The following RFTN1 variants were observed in gnomAD, a reference collection of about 807,000 sequenced individuals.
RFTN1 encodes the protein raftlin.
In RFTN1, 26 loss-of-function variants were observed where a neutral mutation model predicts 46.5. The ratio of observed to expected loss-of-function variants is 0.56; its 90% confidence interval spans 0.41 to 0.78. The LOEUF is 0.78. RFTN1 is among the 30% of genes least tolerant of loss of function. The probability of loss-of-function intolerance (pLI) is 0.00; values close to 1 mark genes in which losing one functional copy is unlikely to be tolerated. For missense variants in RFTN1, 693 were observed against 718.7 expected, an observed-to-expected ratio of 0.96 and a Z score of 0.41; for synonymous variants, 261 against 284.2, an observed-to-expected ratio of 0.92 and a Z score of 0.82.
At chr3:16,510,448 T>A (rs2076878697) in intron 1 of RFTN1, among the ~76,000 whole-genome samples, 1 of 152,360 alleles carries the variant, frequency 6.6e-6, no homozygotes, top group South Asian at 2.1e-4. Flanking sequence ...TGAAAATCTC[T>A]AAAAATAAAA....
In RFTN1 at chr3:16,337,626, C is replaced by G. The variant is rs958944755; in HGVS notation, c.1147-10750G>C. On this transcript the variant is annotated intron_variant, in intron 7 of 9. Transcript: ENST00000334133. The surrounding 1 kb of genome is among the most constrained non-coding windows in gnomAD (Gnocchi z 5.0). ...GCATGGTGGCAGGCGCCTGTAGTCC[C>G]AGCTACTCGGGAGGCTGAGGCAGGA... Among the ~76,000 whole-genome samples, 1 of 151,682 alleles carries G rather than the reference C, an allele frequency of 6.6e-6. No individual in the cohort carries two copies. Among genetic ancestry groups the G allele is most frequent in the Non-Finnish European group, 1.5e-5 (1 of 67,982 alleles).
In RFTN1 at chr3:16,352,956, C is replaced by T. The variant is rs1231165471; in HGVS notation, c.1146+4976G>A. 2.6e-5 allele frequency among the ~76,000 whole-genome samples: 4 copies of T among 152,064 alleles called. No homozygotes were observed. Among genetic ancestry groups the T allele is most frequent in the Non-Finnish European group, 4.4e-5 (3 of 68,026 alleles). On this transcript the variant is annotated intron_variant, in intron 7 of 9. Transcript: ENST00000334133. This position sits in a 1 kb window ranked among gnomAD's most constrained non-coding sequence, Gnocchi z 4.6. ...GTCCGCACACTACATTTTCGTGTGT[C>T]CATGCACGTGAAGAGAGAGGGAAGC...
At position 16,324,333 on chromosome 3, in the gene RFTN1, C is replaced by T. The variant is rs191954828; in HGVS notation, c.1251-876G>A. Among the ~76,000 whole-genome samples, 256 of 152,238 alleles carry T rather than the reference C, an allele frequency of 1.7e-3. 1 individual carries two copies. Among genetic ancestry groups the T allele is most frequent in the African/African-American group, 5.6e-3 (231 of 41,530 alleles). On this transcript the variant is annotated intron_variant, in intron 8 of 9. Transcript: ENST00000334133. ...TTTAGGAACTGTAAACTATACAAGG[C>T]ATTATTGTTTATAATAGTCACCATT...
At chr3:16,463,007 A>G (rs1188859186) in intron 2 of RFTN1, among the ~76,000 whole-genome samples, 1 of 152,266 alleles carries the variant, frequency 6.6e-6, no homozygotes, top group Non-Finnish European at 1.5e-5. Context: ...GGAAGGAAAC[A>G]CAGGAAGCAT....
intron 4 of RFTN1, among the ~76,000 whole-genome samples, chr3:16,398,754 T>C (rs890057553): frequency 6.6e-6 from 1 of 152,172 alleles, no homozygotes; most frequent in Non-Finnish European, 1.5e-5. Context: ...AGACATCCCC[T>C]GGGTGGCTGG....
Position 16,484,580 on chromosome 3 carries a change from C to A in RFTN1, c.145+9145G>T, listed in dbSNP as rs896399752. On this transcript the variant is annotated intron_variant, in intron 2 of 9. Transcript: ENST00000334133. The surrounding 1 kb of genome is among the most constrained non-coding windows in gnomAD (Gnocchi z 4.6). Reference sequence around the variant, plus strand: ...TGGAATGATCCTCGAAATTGTAATGCGTGTCATGGGAATGTCTTATAAGGA... The same window carrying A: ...TGGAATGATCCTCGAAATTGTAATGAGTGTCATGGGAATGTCTTATAAGGA... 2.6e-5 allele frequency: 4 copies of A among 152,072 alleles called. No homozygotes were observed. Among genetic ancestry groups the A allele is most frequent in the African/African-American group, 9.7e-5 (4 of 41,382 alleles). The allele number at this position is 152,072 out of a possible 1,614,324, so 9.4% of individuals were successfully genotyped here.
At position 16,468,291 on chromosome 3, in the gene RFTN1, A is replaced by T. The variant is rs1225382741; in HGVS notation, c.145+25434T>A. 6.6e-6 allele frequency among the ~76,000 whole-genome samples: 1 copy of T among 151,854 alleles called. No individual in the cohort carries two copies. The highest frequency in any genetic ancestry group is 1.5e-5 in the Non-Finnish European group (1 of 67,972). On this transcript the variant is annotated intron_variant, in intron 2 of 9. Transcript: ENST00000334133. The surrounding 1 kb of genome is among the most constrained non-coding windows in gnomAD (Gnocchi z 4.4). ...GAAACTTATCTGTAGGAGTTCCCAA[A>T]CCCTCACTGTCGTTCGTTTTTGAAG...
rs191208426 is a variant in RFTN1 at position 16,504,309 on chromosome 3, G to A, written c.-9+9133C>T. On this transcript the variant is annotated intron_variant, in intron 1 of 9. Coordinates refer to ENST00000334133, the MANE Select transcript of RFTN1 (RefSeq NM_015150.2). This position sits in a 1 kb window ranked among gnomAD's most constrained non-coding sequence, Gnocchi z 4.4. ...ACTTGCTAATGGGATGTGTGCATCT[G>A]TTGGACACTGAGCAACTTCTCAAAA... is the stretch of plus-strand genomic sequence containing the variant. 4.1e-4 allele frequency among the ~76,000 whole-genome samples: 62 copies of A among 152,280 alleles called. No homozygotes were observed. The highest frequency in any genetic ancestry group is 1.2e-3 in the African/African-American group (50 of 41,532).
At chr3:16,417,334 T>G (rs1383642420) in intron 3 of RFTN1, among the ~76,000 whole-genome samples, 2 of 152,070 alleles carry the variant, frequency 1.3e-5, no homozygotes, top group East Asian at 1.9e-4. Flanking sequence ...ACAGTCCTCA[T>G]TTCTTTAACA....
intron 5 of RFTN1, among the ~76,000 whole-genome samples, chr3:16,375,227 G>T (rs958038160): frequency 3.3e-5 from 5 of 152,084 alleles, no homozygotes; most frequent in African/African-American, 7.2e-5. Context: ...GTGTGCCTGT[G>T]GGGGAGTGAC....
chr3:16,499,301 C>G lies in RFTN1; in HGVS notation c.-8-5424G>C, dbSNP rs1353819152. ...GAATCTGGGCTCCAGGATGGCTTGA[C>G]CAATAGAATATGACGGAATAACACA... On this transcript the variant is annotated intron_variant, in intron 1 of 9. Coordinates refer to ENST00000334133, the MANE Select transcript of RFTN1 (RefSeq NM_015150.2). The surrounding 1 kb of genome is among the most constrained non-coding windows in gnomAD (Gnocchi z 4.9). 1.3e-5 allele frequency among the ~76,000 whole-genome samples: 2 copies of G among 152,180 alleles called. No individual in the cohort carries two copies. The highest frequency in any genetic ancestry group is 2.4e-5 in the African/African-American group (1 of 41,442).
In RFTN1 at chr3:16,507,534, G is replaced by A. The variant is rs181958792; in HGVS notation, c.-9+5908C>T. On this transcript the variant is annotated intron_variant, in intron 1 of 9. Transcript: ENST00000334133. The surrounding 1 kb of genome is among the most constrained non-coding windows in gnomAD (Gnocchi z 7.1). Reference sequence around the variant, plus strand: ...TCCCCCAAATCTGAGGAACTTTAGCGCTATTCCATAAAACTTGAAGGATTC... The same window carrying A: ...TCCCCCAAATCTGAGGAACTTTAGCACTATTCCATAAAACTTGAAGGATTC... 6.4e-4 allele frequency among the ~76,000 whole-genome samples: 98 copies of A among 152,080 alleles called. No homozygotes were observed. Among genetic ancestry groups the A allele is most frequent in the African/African-American group, 2.0e-3 (85 of 41,470 alleles).
rs955893786 is a variant in RFTN1 at position 16,334,170 on chromosome 3, A to G, written c.1147-7294T>C. On this transcript the variant is annotated intron_variant, in intron 7 of 9. Coordinates refer to ENST00000334133, the MANE Select transcript of RFTN1 (RefSeq NM_015150.2). The surrounding 1 kb of genome is among the most constrained non-coding windows in gnomAD (Gnocchi z 4.3). ...ACAGAGCAAGACTCTGTCTCAAAACAAAAACAAAAACAAAAAACAACAACA... is the reference window on the plus strand; with the variant it reads ...ACAGAGCAAGACTCTGTCTCAAAACGAAAACAAAAACAAAAAACAACAACA... Among the ~76,000 whole-genome samples the G allele has an allele frequency of 6.6e-6, 1 of 152,160 alleles. No individual in the cohort carries two copies. The highest frequency in any genetic ancestry group is 1.9e-4 in the East Asian group (1 of 5,198).
chr3:16,330,704 T>C (rs1270334069), intron 7 of RFTN1, among the ~76,000 whole-genome samples: 1 of 152,260 alleles, frequency 6.6e-6, no homozygotes, highest in East Asian at 1.9e-4. Flanking sequence ...TTTGTATTTA[T>C]GGCTCTTTTT....
rs996307689 is a variant in RFTN1, at chr3:16,480,684, T to C, written c.145+13041A>G. Among the ~76,000 whole-genome samples the C allele has an allele frequency of 3.3e-5, 5 of 152,200 alleles. No homozygotes were observed. Among genetic ancestry groups the C allele is most frequent in the Non-Finnish European group, 7.3e-5 (5 of 68,032 alleles). ...TGTCTTCTGAAGCATTGGTGAAATA[T>C]GGTCAAACTATAAAATGACAGTGGA... On this transcript the variant is annotated intron_variant, in intron 2 of 9. Transcript: ENST00000334133. This position sits in a 1 kb window ranked among gnomAD's most constrained non-coding sequence, Gnocchi z 4.3.
chr3:16,494,288 T>G (rs2076590078), intron 1 of RFTN1, among the ~76,000 whole-genome samples: 1 of 152,242 alleles, frequency 6.6e-6, no homozygotes, highest in Non-Finnish European at 1.5e-5. Context: ...TGTGTCACCT[T>G]CACTGTGGTT....
chr3:16,499,767 A>G lies in RFTN1; in HGVS notation c.-8-5890T>C, dbSNP rs1313052086. ...TGCTTTTAAGGTCCCTGTTACAGCC[A>G]TTCACCCTTTGAAGGGCATTTGGGT... On this transcript the variant is annotated intron_variant, in intron 1 of 9. Coordinates refer to ENST00000334133, the MANE Select transcript of RFTN1 (RefSeq NM_015150.2). The surrounding 1 kb of genome is among the most constrained non-coding windows in gnomAD (Gnocchi z 4.9). Among the ~76,000 whole-genome samples, 1 of 152,198 alleles carries G rather than the reference A, an allele frequency of 6.6e-6. No individual in the cohort carries two copies. Among genetic ancestry groups the G allele is most frequent in the Non-Finnish European group, 1.5e-5 (1 of 68,036 alleles).
chr3:16,339,864 T>C (rs1342647739), intron 7 of RFTN1: 2 of 152,250 alleles, frequency 1.3e-5, no homozygotes, highest in Non-Finnish European at 2.9e-5. Flanking sequence ...AATGCACCTG[T>C]CCTAGCATTT....
chr3:16,362,669 T>A (rs1016944577), intron 6 of RFTN1, among the ~76,000 whole-genome samples: 4 of 152,196 alleles, frequency 2.6e-5, no homozygotes, highest in African/African-American at 9.7e-5. Flanking sequence ...ATAAGTTATA[T>A]CAAATTTCCA....
Sources: allele counts gnomAD v4.1 joint callset (sites outside exome capture counted in the v4.1 genomes callset), GRCh38; gene constraint gnomAD v4.1.1; non-coding constraint Gnocchi (gnomAD v3.1); transcripts MANE v1.5; gene names NCBI Gene and HGNC (gene_info 2026-07-23, HGNC 2026-07-21).